Variants in CELSR2 observed in about 807,000 individuals in gnomAD.
CELSR2 encodes EGF-like protein 2.
In CELSR2, 81 loss-of-function variants were observed where a neutral mutation model predicts 251.6. The ratio of observed to expected loss-of-function variants is 0.32; its 90% CI spans 0.27 to 0.39. The LOEUF is 0.39. Ranked by LOEUF, CELSR2 falls within the 10% of genes least tolerant of loss-of-function variation. The probability of loss-of-function intolerance (pLI) is 1.00; values close to 1 mark genes in which losing one functional copy is unlikely to be tolerated. For missense variants in CELSR2, 3,365 were observed against 3,947.7 expected (o/e 0.85, Z 3.96); for synonymous variants, 1,721 against 1,670.5 (o/e 1.03, Z -0.74).
rs773564041 is a variant in CELSR2, at chr1:109,272,341, G to C, written c.7990G>C (p.Gly2664Arg). 6.2e-7 allele frequency: 1 copy of C among 1,612,532 alleles called. No individual in the cohort carries two copies. Among genetic ancestry groups the C allele is most frequent in the South Asian group, 1.1e-5 (1 of 91,066 alleles). The change falls in exon 29 of 34, where the codon GGC becomes CGC. Residue 2664 changes from glycine (G) to arginine (R), a missense_variant. Gly to Arg is a moderately radical substitution (Grantham distance 125, BLOSUM62 -2). Transcript: ENST00000271332. ...GTACCAGCCCTACGGAGACTCGGCC[G>C]GCTCTCTGCACAGCACCAGTCGCTC... The part of the protein sequence containing the change: ...RLYQPYGDSA[G>R]SLHSTSRSGK...
intron 9 of CELSR2, 44 bp downstream of exon 9, chr1:109,263,821 C>A: frequency 6.3e-7 from 1 of 1,592,566 alleles, no homozygotes; most frequent in Admixed American, 1.7e-5. Context: ...GCCATAGGGC[C>A]CTGGTAGCCT....
Position 109,269,435 on chromosome 1 carries a change from G to A in CELSR2, c.6824G>A (p.Arg2275His), listed in dbSNP as rs778906751. 1.9e-6 allele frequency: 3 copies of A among 1,613,710 alleles called. No individual in the cohort carries two copies. The highest frequency in any genetic ancestry group is 1.7e-5 in the Admixed American group (1 of 59,968). The change falls in exon 21 of 34, where the codon CGC becomes CAC. Residue 2275 changes from arginine to histidine, a missense_variant. Physicochemically the swap from Arg to His is conservative, Grantham distance 29. Coordinates refer to ENST00000271332, the MANE Select transcript of CELSR2 (RefSeq NM_001408.3). This position sits in a 1 kb window ranked among gnomAD's most constrained non-coding sequence, Gnocchi z 6.4. Reference sequence around the variant, plus strand: ...CTGCCCCACATCAGAGTCCCCAAACGCCCGATCATCAACACACCCGTGGTG... The same window carrying A: ...CTGCCCCACATCAGAGTCCCCAAACACCCGATCATCAACACACCCGTGGTG... ...PDKRSLRVPKRPIINTPVVSI... is the reference protein window; with the variant it reads ...PDKRSLRVPKHPIINTPVVSI...
chr1:109,251,807 C>T lies in CELSR2; in HGVS notation c.1728C>T (p.Tyr576=). The change falls in exon 1 of 34, where the codon TAC becomes TAT. Residue 576 remains tyrosine (Y), a synonymous_variant. Transcript: ENST00000271332. This position sits in a 1 kb window ranked among gnomAD's most constrained non-coding sequence, Gnocchi z 4.9. ...AELDREEVDF[Y]SFGVEARDHG... ...TGGACCGGGAGGAAGTTGATTTCTACAGCTTTGGGGTAGAAGCTCGAGACC... is the reference window on the plus strand; with the variant it reads ...TGGACCGGGAGGAAGTTGATTTCTATAGCTTTGGGGTAGAAGCTCGAGACC... 2 of 1,614,138 alleles carry T rather than the reference C, an allele frequency of 1.2e-6. No individual in the cohort carries two copies. Among genetic ancestry groups the T allele is most frequent in the Non-Finnish European group, 1.7e-6 (2 of 1,180,020 alleles).
In CELSR2 at chr1:109,263,729, T is replaced by C; in HGVS notation, c.4953T>C (p.Gly1651=). The change falls in exon 9 of 34, where the codon GGT becomes GGC. Residue 1651 remains glycine, a synonymous_variant. Coordinates refer to ENST00000271332, the MANE Select transcript of CELSR2 (RefSeq NM_001408.3). ...TGTTCCGCACGCGCCAGGCCGACGG[T>C]GTCCTGCTGCAGGCCATCACCAGGG... ...SLMFRTRQAD[G]VLLQAITRGR... 6.2e-7 allele frequency: 1 copy of C among 1,613,782 alleles called. No homozygotes were observed. The highest frequency in any genetic ancestry group is 8.5e-7 in the Non-Finnish European group (1 of 1,179,960).
intron 2 of CELSR2, among the ~76,000 whole-genome samples, chr1:109,260,267 T>C (rs1655982429): frequency 6.6e-6 from 1 of 152,030 alleles, no homozygotes; most frequent in Non-Finnish European, 1.5e-5. Flanking sequence ...AACCTATCTC[T>C]AGAATCTGGG....
chr1:109,267,526 C>T (rs1285251676), intron 15 of CELSR2, 22 bp from the exon 16 acceptor site: 2 of 1,609,656 alleles, frequency 1.2e-6, no homozygotes, highest in South Asian at 1.1e-5. Context: ...TGAGGCCGGC[C>T]CTTTTGGCTT....
intron 24 of CELSR2, 79 bp from the exon 25 acceptor site, chr1:109,270,848 G>C: frequency 1.8e-6 from 2 of 1,111,216 alleles, no homozygotes; most frequent in Middle Eastern, 2.4e-4. Flanking sequence ...GCCTGGCCCT[G>C]TGAGCCCACC....
chr1:109,270,935 G>A lies in CELSR2; in HGVS notation c.7492G>A (p.Val2498Met), dbSNP rs144041571. 30 of 1,612,148 alleles carry A rather than the reference G, an allele frequency of 1.9e-5. No individual in the cohort carries two copies. The highest frequency in any genetic ancestry group is 1.6e-4 in the Middle Eastern group (1 of 6,072). The change falls in exon 25 of 34, where the codon GTG (valine) becomes ATG (methionine). Residue 2498 changes from valine to methionine, a missense_variant. This residue lies in a region of CELSR2 where 2,093 missense variants were observed against 2,382.8 expected (regional missense o/e 0.88). Coordinates refer to ENST00000271332, the MANE Select transcript of CELSR2 (RefSeq NM_001408.3). ...CTGTCTCCATGCTCCAGGGCTAGCC[G>A]TGGGCCTGGACCCCGAGGGCTACGG... Reference protein sequence around the residue: ...GVPAFITGLAVGLDPEGYGNP... With the variant: ...GVPAFITGLAMGLDPEGYGNP...
chr1:109,269,984 A>G lies in CELSR2; in HGVS notation c.7159A>G (p.Thr2387Ala), dbSNP rs17035649. 5,423 of 1,614,004 alleles carry G rather than the reference A, an allele frequency of 3.4e-3. 177 individuals are homozygous for G. In the African/African-American group the frequency reaches 0.064, roughly 19 times the overall value. ...ACTGACATACGTGGCTCTAGGTGTC[A>G]CCTTGGCTGCCCTTCTGCTCACCTT... ...KTLTYVALGVTLAALLLTFFF... is the reference protein window; with the variant it reads ...KTLTYVALGVALAALLLTFFF... The change falls in exon 23 of 34, where the codon ACC becomes GCC. Residue 2387 changes from threonine to alanine, a missense_variant. Physicochemically the swap from Thr to Ala is moderately conservative, Grantham distance 58. Coordinates refer to ENST00000271332, the MANE Select transcript of CELSR2 (RefSeq NM_001408.3). The surrounding 1 kb of genome is among the most constrained non-coding windows in gnomAD (Gnocchi z 6.4).
In CELSR2 at chr1:109,269,665, G is replaced by A; in HGVS notation, c.6981-29G>A. ...GGCCCCTGCATGCCTCACCCTCCTT[G>A]TCTCCCTGACCCTGCCTTCCTCACA... On this transcript the variant is annotated intron_variant, in intron 21 of 33. Transcript: ENST00000271332. This position sits in a 1 kb window ranked among gnomAD's most constrained non-coding sequence, Gnocchi z 6.4. 1 of 1,613,954 alleles carries A rather than the reference G, an allele frequency of 6.2e-7. No homozygotes were observed. Among genetic ancestry groups the A allele is most frequent in the Non-Finnish European group, 8.5e-7 (1 of 1,179,916 alleles).
In CELSR2 at chr1:109,272,927, A is replaced by AGAG. The variant is rs763573324; in HGVS notation, c.8247_8249dup (p.Glu2752dup). ...ACTCATCAGACAGTGAGGAGGAAGA[A>AGAG]GAGGAGGAGGAAGAGGAGGCCGCCT... On this transcript the variant is annotated inframe_insertion, in exon 31 of 34. Transcript: ENST00000271332. The AGAG allele has an allele frequency of 1.3e-5, 21 of 1,613,874 alleles. No individual in the cohort carries two copies. The highest frequency in any genetic ancestry group is 1.8e-5 in the Non-Finnish European group (21 of 1,179,998).
chr1:109,273,704 G>A, intron 33 of CELSR2, 34 bp downstream of exon 33: 1 of 1,402,548 alleles, frequency 7.1e-7, no homozygotes, highest in Non-Finnish European at 9.5e-7. Context: ...ACGGGGTGCA[G>A]CCCCTCGGAG....
rs1438795121 is a variant in CELSR2 at position 109,265,641 on chromosome 1, G to A, written c.5728-94G>A. 4 of 1,478,300 alleles carry A rather than the reference G, an allele frequency of 2.7e-6. No homozygotes were observed. In the African/African-American group the frequency reaches 5.6e-5, roughly 21 times the overall value. The allele number at this position is 1,478,300 out of a possible 1,614,324, so 91.6% of individuals were successfully genotyped here. A position where few individuals can be genotyped will look rare whatever the true frequency, so the allele number is the denominator to read the frequency against. Reference sequence around the variant, plus strand: ...CTGCTCCTGAGGGGACCTGAGGTCGGGACCCTCTCCACAGGGGCCACAGCT... The same window carrying A: ...CTGCTCCTGAGGGGACCTGAGGTCGAGACCCTCTCCACAGGGGCCACAGCT... On this transcript the variant is annotated intron_variant, in intron 13 of 33. Transcript: ENST00000271332.
intron 2 of CELSR2, among the ~76,000 whole-genome samples, chr1:109,260,350 C>T (rs796800629): frequency 3.3e-5 from 5 of 152,266 alleles, no homozygotes; most frequent in African/African-American, 1.2e-4. Flanking sequence ...GAATTCTTGT[C>T]TGCTCTCAGG....
chr1:109,265,682 G>C lies in CELSR2; in HGVS notation c.5728-53G>C, dbSNP rs369351092. Reference sequence around the variant, plus strand: ...GGCCACAGCTGAGAAGGACCCATGAGCATCCTGGGAAGAGAGCCTGGCCAG... The same window carrying C: ...GGCCACAGCTGAGAAGGACCCATGACCATCCTGGGAAGAGAGCCTGGCCAG... On this transcript the variant is annotated intron_variant, in intron 13 of 33. Coordinates refer to ENST00000271332, the MANE Select transcript of CELSR2 (RefSeq NM_001408.3). The C allele has an allele frequency of 2.4e-4, 376 of 1,573,586 alleles. 5 individuals carry two copies. In the East Asian group the frequency reaches 8.4e-3, roughly 35 times the overall value.
In CELSR2 at chr1:109,258,894, C is replaced by T. The variant is rs766115094; in HGVS notation, c.3773C>T (p.Ser1258Phe). ...GACTCCTCCGCGCCCTTCATCGCCT[C>T]CTCCTCCGTGCTCTTCCGGCCCATC... ...RFDSSAPFIA[S>F]SSVLFRPIHP... The change falls in exon 2 of 34, where the codon TCC becomes TTC. Residue 1258 changes from serine to phenylalanine, a missense_variant. Around this residue, in one of 5 missense-constraint regions of CELSR2, gnomAD observed 2,093 missense variants for 2,382.8 expected, o/e 0.88. Coordinates refer to ENST00000271332, the MANE Select transcript of CELSR2 (RefSeq NM_001408.3). 2 of 1,612,512 alleles carry T rather than the reference C, an allele frequency of 1.2e-6. No individual in the cohort carries two copies. Among genetic ancestry groups the T allele is most frequent in the Non-Finnish European group, 1.7e-6 (2 of 1,179,526 alleles).
chr1:109,260,315 T>C (rs1385731194), intron 2 of CELSR2, among the ~76,000 whole-genome samples: 1 of 152,096 alleles, frequency 6.6e-6, no homozygotes, highest in East Asian at 1.9e-4. Flanking sequence ...TCCCATCTGA[T>C]GTTGGAGTTT....
Position 109,262,267 on chromosome 1 carries a change from C to A in CELSR2, c.4387-20C>A, listed in dbSNP as rs368787383. ...GCTCTGTACTCAGTGTCCCCCTTCT[C>A]TGCTCTTTCCTGTCCACAGCCACTG... On this transcript the variant is annotated intron_variant, in intron 5 of 33. Transcript: ENST00000271332. The A allele has an allele frequency of 6.2e-7, 1 of 1,612,046 alleles. No homozygotes were observed. The highest frequency in any genetic ancestry group is 1.7e-5 in the Admixed American group (1 of 59,988).
rs573639041 is a variant in CELSR2, at chr1:109,251,989, G to A, written c.1910G>A (p.Arg637His). The A allele has an allele frequency of 5.0e-6, 8 of 1,614,094 alleles. No homozygotes were observed. The highest frequency in any genetic ancestry group is 1.7e-5 in the Admixed American group (1 of 60,026). The stretch of plus-strand genomic sequence containing the variant: ...GTGGTGACGGTGTCAGCTGTGGACC[G>A]TGATGCTCATAGTGTCATCACCTAC... The part of the protein sequence containing the change: ...TSVVTVSAVD[R>H]DAHSVITYQI... The change falls in exon 1 of 34, where the codon CGT (arginine) becomes CAT (histidine). Residue 637 changes from arginine to histidine, a missense_variant. Coordinates refer to ENST00000271332, the MANE Select transcript of CELSR2 (RefSeq NM_001408.3). This position sits in a 1 kb window ranked among gnomAD's most constrained non-coding sequence, Gnocchi z 4.9.
Sources: allele counts gnomAD v4.1 joint callset (sites outside exome capture counted in the v4.1 genomes callset), GRCh38; gene constraint gnomAD v4.1.1; regional missense constraint gnomAD v4.1.1; non-coding constraint Gnocchi (gnomAD v3.1); transcripts MANE v1.5; gene names NCBI Gene and HGNC (gene_info 2026-07-23, HGNC 2026-07-21).